Variants in BCAR1 observed in about 807,000 individuals in gnomAD.
BCAR1 encodes breast cancer anti-estrogen resistance protein 1.
A neutral mutation model predicts 67.6 loss-of-function variants in BCAR1; 30 were observed. The observed-to-expected ratio is 0.44, with a 90% CI of 0.33 to 0.60. The LOEUF (loss-of-function observed/expected upper bound fraction) is 0.60, where lower values mean the gene tolerates loss of function less well. Ranked by LOEUF, BCAR1 falls within the 20% of genes least tolerant of loss-of-function variation. BCAR1 has a pLI of 0.02. For synonymous variants in BCAR1, 626 were observed against 556.7 expected (o/e 1.12, Z -1.75); for missense variants, 1,313 against 1,222.3 (o/e 1.07, Z -1.11).
chr16:75,255,881 C>T (rs1251296200), upstream of BCAR1, among the ~76,000 whole-genome samples: 1 of 152,142 alleles, frequency 6.6e-6, no homozygotes, highest in Non-Finnish European at 1.5e-5. Context: ...ATCCCAGCTA[C>T]TCAGGAGGCT....
chr16:75,236,930 G>A lies in BCAR1; in HGVS notation c.864C>T (p.Asp288=), dbSNP rs368205420. 6.8e-6 allele frequency: 11 copies of A among 1,612,568 alleles called. No homozygotes were observed. The highest frequency in any genetic ancestry group is 5.0e-5 in the Admixed American group (3 of 59,942). ...NGRDPLLEVY[D]VPPSVEKGLP... is the part of the protein sequence containing the mutation. ...GGCCCTTCTCCACACTGGGGGGCAC[G>A]TCATACACCTCCAGCAACGGGTCTC... is the stretch of plus-strand genomic sequence containing the variant. The change falls in exon 4 of 7, where the codon GAC becomes GAT. Residue 288 remains aspartate (D), a synonymous_variant. Transcript: ENST00000162330.
chr16:75,234,363 G>A (rs1046852050), intron 5 of BCAR1, among the ~76,000 whole-genome samples: 22 of 152,232 alleles, frequency 1.4e-4, no homozygotes, highest in African/African-American at 4.8e-4. Flanking sequence ...CAGAAAGTCC[G>A]CAAGCTCCAC....
intron 2 of BCAR1, 95 bp downstream of exon 2, chr16:75,242,375 G>A (rs2077373169): frequency 2.3e-6 from 3 of 1,319,148 alleles, no homozygotes; most frequent in African/African-American, 3.0e-5. Context: ...CTCCTGGAAT[G>A]CCGGTGATTG....
At chr16:75,255,312 G>C (rs958659714), upstream of BCAR1, among the ~76,000 whole-genome samples, 2 of 152,180 alleles carry the variant, frequency 1.3e-5, no homozygotes, top group Non-Finnish European at 2.9e-5. Flanking sequence ...CAGCAGGAGA[G>C]GATTTCCTGA....
intron 2 of BCAR1, 58 bp from the exon 3 acceptor site, chr16:75,237,402 A>T (rs1329180400): frequency 7.1e-7 from 1 of 1,403,546 alleles, no homozygotes; most frequent in Non-Finnish European, 9.3e-7. Flanking sequence ...GGGAGGCTCC[A>T]CTCACACCTG....
chr16:75,239,130 CG>C, intron 2 of BCAR1: 1 of 983,552 alleles, frequency 1.0e-6, no homozygotes, highest in Non-Finnish European at 1.2e-6. Flanking sequence ...AACAGAGCAA[CG>C]CAGCCACCAG....
At chr16:75,253,364 G>T (rs998880652), upstream of BCAR1, among the ~76,000 whole-genome samples, 9 of 152,230 alleles carry the variant, frequency 5.9e-5, no homozygotes, top group African/African-American at 1.9e-4. Flanking sequence ...GGCAGGCAGT[G>T]CCCTGCTGGC....
At chr16:75,266,647 C>T in intron 1 of BCAR1, 1 of 1,157,780 alleles carries the variant, frequency 8.6e-7, no homozygotes, top group Non-Finnish European at 1.1e-6. Flanking sequence ...CATCGCTCCA[C>T]TCCTGCCAGG....
intron 5 of BCAR1, among the ~76,000 whole-genome samples, chr16:75,234,195 A>ACACACG: frequency 7.1e-6 from 1 of 141,578 alleles, no homozygotes; most frequent in African/African-American, 2.7e-5. Context: ...ACACACACAC[A>ACACACG]CACACACTCC....
chr16:75,259,677 C>T (rs1032265268), intron 1 of BCAR1, among the ~76,000 whole-genome samples: 1 of 151,380 alleles, frequency 6.6e-6, no homozygotes, highest in Non-Finnish European at 1.5e-5. Context: ...ACGGTGAAAC[C>T]CCATCTCTAC....
chr16:75,235,855 C>T lies in BCAR1; in HGVS notation c.1044G>A (p.Leu348=). Reference sequence around the variant, plus strand: ...GCGGGGAGTCTGGAGGGGGCGCAGCCAGTACCAGTGGGGTGCGGGCCGGGT... The same window carrying T: ...GCGGGGAGTCTGGAGGGGGCGCAGCTAGTACCAGTGGGGTGCGGGCCGGGT... ...PFDPARTPLV[L]AAPPPDSPPA... is the part of the protein sequence containing the mutation. Residue 348 remains leucine (L), a synonymous_variant, in exon 5 of 7, where the codon CTG becomes CTA. Transcript: ENST00000162330. The T allele has an allele frequency of 6.4e-7, 1 of 1,567,914 alleles. No homozygotes were observed. The highest frequency in any genetic ancestry group is 1.3e-5 in the African/African-American group (1 of 74,098).
intron 2 of BCAR1, among the ~76,000 whole-genome samples, 197 bp downstream of exon 2, chr16:75,242,273 C>G (rs1168744358): frequency 6.6e-6 from 1 of 152,240 alleles, no homozygotes; most frequent in Non-Finnish European, 1.5e-5. Flanking sequence ...AGCATCTCCC[C>G]TCTGGGTCCA....
chr16:75,242,907 T>G lies in BCAR1; in HGVS notation c.196A>C (p.Met66Leu). 1.2e-6 allele frequency: 2 copies of G among 1,612,254 alleles called. No individual in the cohort carries two copies. The highest frequency in any genetic ancestry group is 1.1e-5 in the South Asian group (1 of 91,048). ...PGNRLKILVG[M>L]YDKKPAGPGP... ...GGCCCTGCTGGCTTCTTATCATACA[T>G]GCCCACCAAGATCTTGAGGCGGTTC... The change falls in exon 2 of 7, where the codon ATG (methionine) becomes CTG (leucine). Residue 66 changes from methionine (M) to leucine (L), a missense_variant. Transcript: ENST00000162330.
chr16:75,266,029 C>CA, intron 1 of BCAR1: 1 of 1,029,758 alleles, frequency 9.7e-7, no homozygotes. Context: ...GCCGCCCCCC[C>CA]CACCGTCTCC....
intron 5 of BCAR1, 82 bp from the exon 6 acceptor site, chr16:75,234,017 G>C: frequency 5.1e-6 from 7 of 1,372,862 alleles, no homozygotes; most frequent in Non-Finnish European, 7.1e-6. Context: ...GGCGCAGTGA[G>C]CTGAGTGGCC....
intron 4 of BCAR1, 175 bp from the exon 5 acceptor site, chr16:75,236,161 C>T: frequency 1.4e-6 from 1 of 698,432 alleles, no homozygotes. Flanking sequence ...CACAGGCACA[C>T]ACACGCGCAC....
Position 75,267,888 on chromosome 16 carries a change from G to A in BCAR1, c.66+27C>T, listed in dbSNP as rs765801037. The A allele has an allele frequency of 2.5e-6, 4 of 1,585,500 alleles. No homozygotes were observed. In the African/African-American group the frequency reaches 5.4e-5, roughly 21 times the overall value. ...AACTCAGCCCTTAGCAGGGAGAGAG[G>A]GGACCCTGGCTAGAGCCCTCACTTA... On this transcript the variant is annotated intron_variant, in intron 1 of 6. Transcript: ENST00000393422.
chr16:75,240,829 GAGA>G (rs1211132060), intron 2 of BCAR1, among the ~76,000 whole-genome samples: 1 of 152,252 alleles, frequency 6.6e-6, no homozygotes, highest in East Asian at 1.9e-4. Flanking sequence ...GGCATGGGCA[GAGA>G]AGGACCCAGC....
At position 75,247,949 on chromosome 16, in the gene BCAR1, A is replaced by G. The variant is rs1056876172; in HGVS notation, c.12+3522T>C. Reference sequence around the variant, plus strand: ...TAGTGCCACACTTGTCACTAAGTTCACAATAATAAGAACAGCACAGTTCCT... The same window carrying G: ...TAGTGCCACACTTGTCACTAAGTTCGCAATAATAAGAACAGCACAGTTCCT... On this transcript the variant is annotated intron_variant, in intron 1 of 6. Transcript: ENST00000162330. The G allele has an allele frequency of 1.7e-5, 14 of 809,926 alleles. No individual in the cohort carries two copies. The African/African-American group carries it at 2.0e-4, about 12-fold the overall frequency. The allele number at this position is 809,926 out of a possible 1,614,324, so 50.2% of individuals were successfully genotyped here. A position where few individuals can be genotyped will look rare whatever the true frequency, so the allele number is the denominator to read the frequency against.
Sources: allele counts gnomAD v4.1 joint callset (sites outside exome capture counted in the v4.1 genomes callset), GRCh38; gene constraint gnomAD v4.1.1; transcripts MANE v1.5; gene names NCBI Gene and HGNC (gene_info 2026-07-23, HGNC 2026-07-21).